The following GAN variants were observed in gnomAD, a reference collection of about 807,000 sequenced individuals.
GAN encodes gigaxonin.
Under a neutral mutation model 71.3 loss-of-function variants are expected in GAN, and 48 were observed. The ratio of observed to expected loss-of-function variants is 0.67; its 90% CI spans 0.53 to 0.86. The LOEUF (loss-of-function observed/expected upper bound fraction) is 0.86, where lower values mean the gene tolerates loss of function less well. Among genes scored for constraint, GAN ranks in the 40% least tolerant of loss-of-function variants. GAN has a pLI of 0.00. For synonymous variants in GAN, 386 were observed against 276.8 expected (o/e 1.39, Z -3.92); for missense variants, 928 against 770.1 (o/e 1.21, Z -2.43).
intron 9 of GAN, among the ~76,000 whole-genome samples, chr16:81,371,243 C>G (rs1911027930): frequency 6.6e-6 from 1 of 152,164 alleles, no homozygotes; most frequent in Admixed American, 6.5e-5. Context: ...TACTGAGCAT[C>G]ACTGTGGTAG....
At position 81,384,561 on chromosome 16, in the gene GAN, G is replaced by C. The variant is rs973248942; in HGVS notation, c.*6965G>C. 6.6e-6 allele frequency: 1 copy of C among 152,172 alleles called. No homozygotes were observed. Among genetic ancestry groups the C allele is most frequent in the Non-Finnish European group, 1.5e-5 (1 of 68,032 alleles). 9.4% of individuals were successfully genotyped at this position (152,172 alleles called of 1,614,324 possible). A position where few individuals can be genotyped will look rare whatever the true frequency, so the allele number is the denominator to read the frequency against. On this transcript the variant is annotated 3_prime_UTR_variant, in exon 11 of 11. Transcript: ENST00000648994. ...CTGACCCAGTATTTGGGATTTGGGTGCTTGAGGATACTATTTTTTTCATTT... is the reference window on the plus strand; with the variant it reads ...CTGACCCAGTATTTGGGATTTGGGTCCTTGAGGATACTATTTTTTTCATTT...
At chr16:81,366,124 C>T (rs1346541374) in intron 9 of GAN, among the ~76,000 whole-genome samples, 2 of 152,324 alleles carry the variant, frequency 1.3e-5, no homozygotes, top group Non-Finnish European at 2.9e-5. Flanking sequence ...AGAAAGCCTT[C>T]TCATGCCTCC....
Position 81,356,784 on chromosome 16 carries a change from G to T in GAN, c.634-1G>T, listed in dbSNP as rs1910499205. On this transcript the variant is annotated splice_acceptor_variant, in intron 3 of 10. Transcript: ENST00000648994. LOFTEE classifies it high-confidence loss of function. The stretch of plus-strand genomic sequence containing the variant: ...CCCCATCTTTCTTCCCTCTTCTGCA[G>T]GTCCACATGAAGGATGTTATGTCAG... The T allele has an allele frequency of 6.2e-7, 1 of 1,602,030 alleles. No homozygotes were observed. Among genetic ancestry groups the T allele is most frequent in the Non-Finnish European group, 8.6e-7 (1 of 1,169,046 alleles).
intron 6 of GAN, among the ~76,000 whole-genome samples, chr16:81,363,069 C>T (rs796970932): frequency 6.6e-5 from 10 of 152,364 alleles, no homozygotes; most frequent in African/African-American, 2.4e-4. Context: ...GTGCTTGGCA[C>T]GTAGGGTTTA....
At chr16:81,334,671 G>A (rs1909695076) in intron 1 of GAN, among the ~76,000 whole-genome samples, 1 of 152,152 alleles carries the variant, frequency 6.6e-6, no homozygotes, top group African/African-American at 2.4e-5. Context: ...AGCACACCCT[G>A]GGGCCGATAT....
rs554831166 is a variant in GAN, at chr16:81,377,608, A to G, written c.*12A>G. ...TTCATTCCCCTTGAGGAGGAAGCAG[A>G]GCAGAGTGCGAGATCCTGACCCAAG... On this transcript the variant is annotated 3_prime_UTR_variant, in exon 11 of 11. Transcript: ENST00000648994. 2.5e-6 allele frequency: 4 copies of G among 1,612,514 alleles called. No homozygotes were observed. In the South Asian group the frequency reaches 4.4e-5, roughly 18 times the overall value.
chr16:81,317,100 G>A (rs555999408), intron 1 of GAN, among the ~76,000 whole-genome samples: 3 of 152,258 alleles, frequency 2.0e-5, no homozygotes, highest in East Asian at 1.9e-4. Context: ...CTCGTGATCC[G>A]CCCACCTCGG....
rs957365090 is a variant in GAN, at chr16:81,378,878, A to G, written c.*1282A>G. On this transcript the variant is annotated 3_prime_UTR_variant, in exon 11 of 11. Coordinates refer to ENST00000648994, the MANE Select transcript of GAN (RefSeq NM_022041.4). ...AAAATGTCTTTCGTTCGTGGAACGT[A>G]TCTTGTAAGATATTTTGTTTTCCAC... is the stretch of plus-strand genomic sequence containing the variant. 18 of 152,710 alleles carry G rather than the reference A, an allele frequency of 1.2e-4. No homozygotes were observed. The highest frequency in any genetic ancestry group is 1.0e-3 in the Admixed American group (16 of 15,296). The allele number at this position is 152,710 out of a possible 1,614,324, so 9.5% of individuals were successfully genotyped here. A position where few individuals can be genotyped will look rare whatever the true frequency, so the allele number is the denominator to read the frequency against.
chr16:81,340,885 A>C (rs1447129389), intron 1 of GAN, among the ~76,000 whole-genome samples: 1 of 152,034 alleles, frequency 6.6e-6, no homozygotes, highest in Non-Finnish European at 1.5e-5. Flanking sequence ...AAGGAATCGA[A>C]AAGCGTTCAA....
chr16:81,378,864 C>G lies in GAN; in HGVS notation c.*1268C>G, dbSNP rs182391687. 6 of 152,714 alleles carry G rather than the reference C, an allele frequency of 3.9e-5. No individual in the cohort carries two copies. The highest frequency in any genetic ancestry group is 1.2e-4 in the African/African-American group (5 of 41,562). 9.5% of individuals were successfully genotyped at this position (152,714 alleles called of 1,614,324 possible). A position where few individuals can be genotyped will look rare whatever the true frequency, so the allele number is the denominator to read the frequency against. ...TTCTCATTGGGGGAAAAATGTCTTT[C>G]GTTCGTGGAACGTATCTTGTAAGAT... is the stretch of plus-strand genomic sequence containing the variant. On this transcript the variant is annotated 3_prime_UTR_variant, in exon 11 of 11. Transcript: ENST00000648994.
rs1024719231 is a variant in GAN at position 81,384,212 on chromosome 16, A to G, written c.*6616A>G. 2.0e-5 allele frequency: 3 copies of G among 151,808 alleles called. No homozygotes were observed. Among genetic ancestry groups the G allele is most frequent in the Non-Finnish European group, 4.4e-5 (3 of 67,984 alleles). 9.4% of individuals were successfully genotyped at this position (151,808 alleles called of 1,614,324 possible). On this transcript the variant is annotated 3_prime_UTR_variant, in exon 11 of 11. Transcript: ENST00000648994. ...CTGCCAATTGAGAAGAATTCAACAC[A>G]TTCTGTTCTTTAACAAAAGCTTGGA... is the stretch of plus-strand genomic sequence containing the variant.
intron 7 of GAN, among the ~76,000 whole-genome samples, chr16:81,364,747 T>A (rs1910792853): frequency 6.6e-6 from 1 of 152,194 alleles, no homozygotes; most frequent in Non-Finnish European, 1.5e-5. Context: ...TGAAATAGTA[T>A]CAGTTGGAGT....
In GAN at chr16:81,370,142, A is replaced by G. The variant is rs377586943; in HGVS notation, c.1502+4664A>G. Among the ~76,000 whole-genome samples the G allele has an allele frequency of 2.4e-3, 365 of 152,344 alleles. 2 individuals carry two copies. Among genetic ancestry groups the G allele is most frequent in the Non-Finnish European group, 1.7e-3 (114 of 68,030 alleles). ...TTGCCTCAGGGCTGTATCAACTAAT[A>G]TATAATGGGCTAATGTCGGCTGTAT... is the stretch of plus-strand genomic sequence containing the variant. On this transcript the variant is annotated intron_variant, in intron 9 of 10. Coordinates refer to ENST00000648994, the MANE Select transcript of GAN (RefSeq NM_022041.4).
In GAN at chr16:81,378,881, T is replaced by G. The variant is rs1904291715; in HGVS notation, c.*1285T>G. 1 of 152,638 alleles carries G rather than the reference T, an allele frequency of 6.6e-6. No homozygotes were observed. The allele number at this position is 152,638 out of a possible 1,614,324, so 9.5% of individuals were successfully genotyped here. A position where few individuals can be genotyped will look rare whatever the true frequency, so the allele number is the denominator to read the frequency against. ...ATGTCTTTCGTTCGTGGAACGTATC[T>G]TGTAAGATATTTTGTTTTCCACTTG... On this transcript the variant is annotated 3_prime_UTR_variant, in exon 11 of 11. Coordinates refer to ENST00000648994, the MANE Select transcript of GAN (RefSeq NM_022041.4).
At chr16:81,330,215 C>A (rs550441132) in intron 1 of GAN, among the ~76,000 whole-genome samples, 2 of 152,336 alleles carry the variant, frequency 1.3e-5, no homozygotes, top group African/African-American at 4.8e-5. Context: ...TCAGTCTCCA[C>A]ACTGCTGCCG....
At position 81,378,094 on chromosome 16, in the gene GAN, C is replaced by A; in HGVS notation, c.*498C>A. 5.3e-6 allele frequency: 1 copy of A among 187,906 alleles called. No individual in the cohort carries two copies. Among genetic ancestry groups the A allele is most frequent in the Non-Finnish European group, 1.1e-5 (1 of 88,200 alleles). 11.6% of individuals were successfully genotyped at this position (187,906 alleles called of 1,614,324 possible). ...CCTGCCCAACAAATTAAGGTTTGTG[C>A]CTAAAATGTTAGATTGGACTGTATG... On this transcript the variant is annotated 3_prime_UTR_variant, in exon 11 of 11. Coordinates refer to ENST00000648994, the MANE Select transcript of GAN (RefSeq NM_022041.4).
Position 81,354,623 on chromosome 16 carries a change from G to A in GAN, c.501G>A (p.Thr167=), listed in dbSNP as rs770663433. 3.4e-5 allele frequency: 55 copies of A among 1,613,614 alleles called. No individual in the cohort carries two copies. Among genetic ancestry groups the A allele is most frequent in the Middle Eastern group, 3.3e-4 (2 of 6,082 alleles). Residue 167 remains threonine, a synonymous_variant, in exon 3 of 11, where the codon ACG becomes ACA. Coordinates refer to ENST00000648994, the MANE Select transcript of GAN (RefSeq NM_022041.4). ...LETHFRDVSS[T]EEFLELSPQK... Reference sequence around the variant, plus strand: ...CTCATTTCCGAGACGTCAGCAGCACGGAAGAATTCTTAGAGCTGAGTCCTC... The same window carrying A: ...CTCATTTCCGAGACGTCAGCAGCACAGAAGAATTCTTAGAGCTGAGTCCTC...
chr16:81,377,287 C>T lies in GAN; in HGVS notation c.1571C>T (p.Pro524Leu), dbSNP rs750033158. 4 of 1,610,212 alleles carry T rather than the reference C, an allele frequency of 2.5e-6. No individual in the cohort carries two copies. Among genetic ancestry groups the T allele is most frequent in the South Asian group, 2.2e-5 (2 of 91,002 alleles). ...ASSSFVYGAV[P>L]IGASIYVIGD... is the part of the protein sequence containing the mutation. The stretch of plus-strand genomic sequence containing the variant: ...TCCTCTTTTGTTTATGGAGCTGTAC[C>T]TATAGGAGCCAGTATTTATGTTATT... The change falls in exon 10 of 11, where the codon CCT (proline) becomes CTT (leucine). Residue 524 changes from proline (P) to leucine (L), a missense_variant. Transcript: ENST00000648994.
At chr16:81,370,867 C>T (rs1911015975) in intron 9 of GAN, among the ~76,000 whole-genome samples, 1 of 152,246 alleles carries the variant, frequency 6.6e-6, no homozygotes, top group African/African-American at 2.4e-5. Flanking sequence ...TCTTTTCTAG[C>T]TTCTTCAGGT....
Sources: allele counts gnomAD v4.1 joint callset (sites outside exome capture counted in the v4.1 genomes callset), GRCh38; gene constraint gnomAD v4.1.1; transcripts MANE v1.5; gene names NCBI Gene and HGNC (gene_info 2026-07-23, HGNC 2026-07-21).